Variants in SUGCT observed in about 807,000 individuals in gnomAD.
The protein encoded by SUGCT is succinyl-CoA:glutarate-CoA transferase, also known as succinyl-CoA:glutarate CoA-transferase.
In SUGCT, 41 loss-of-function variants were observed where a neutral mutation model predicts 55.0. That is an observed-to-expected ratio of 0.74 (90% confidence interval 0.58 to 0.97). The LOEUF is 0.97. Ranked by LOEUF, SUGCT falls within the 50% of genes least tolerant of loss-of-function variation. The pLI, the probability that SUGCT is intolerant of heterozygous loss-of-function variation, is 0.00. For synonymous variants in SUGCT, 187 were observed against 200.4 expected, an observed-to-expected ratio of 0.93 and a Z score of 0.56; for missense variants, 568 against 547.8, an observed-to-expected ratio of 1.04 and a Z score of -0.37.
chr7:40,855,216 G>GA (rs1794110046), intron 13 of SUGCT, among the ~76,000 whole-genome samples: 1 of 147,736 alleles, frequency 6.8e-6, no homozygotes, highest in South Asian at 2.1e-4. Flanking sequence ...CTTTTAATCT[G>GA]AAAAAATGCT....
intron 12 of SUGCT, among the ~76,000 whole-genome samples, chr7:40,581,722 A>G (rs928707359): frequency 2.6e-5 from 4 of 152,246 alleles, no homozygotes; most frequent in Admixed American, 2.0e-4. Context: ...AGGCTAGAAT[A>G]TTTAAATAAT....
rs542207957 is a variant in SUGCT at position 40,561,929 on chromosome 7, A to T, written c.1089+65543A>T. Among the ~76,000 whole-genome samples, 5 of 149,314 alleles carry T rather than the reference A, an allele frequency of 3.3e-5. No individual in the cohort carries two copies. The East Asian group carries it at 1.0e-3, about 31-fold the overall frequency. ...CTGGTCTTGAACTCCTGACCTCCTGATCCACTGGCCTCAGCCTCCCAAAGT... is the reference window on the plus strand; with the variant it reads ...CTGGTCTTGAACTCCTGACCTCCTGTTCCACTGGCCTCAGCCTCCCAAAGT... On this transcript the variant is annotated intron_variant, in intron 12 of 13. Transcript: ENST00000335693.
At chr7:40,991,708 C>A in the SUGCT span, among the ~76,000 whole-genome samples, 9 of 152,130 alleles carry the variant, frequency 5.9e-5, no homozygotes, top group African/African-American at 2.2e-4. Context: ...TCCAGGAATG[C>A]CCCCATATTG....
At chr7:40,427,328 G>T (rs546519849) in intron 9 of SUGCT, among the ~76,000 whole-genome samples, 1 of 152,186 alleles carries the variant, frequency 6.6e-6, no homozygotes, top group South Asian at 2.1e-4. Flanking sequence ...TATTATACAA[G>T]ACATAACTAA....
intron 12 of SUGCT, among the ~76,000 whole-genome samples, chr7:40,496,615 A>G (rs960268320): frequency 6.6e-6 from 1 of 152,184 alleles, no homozygotes; most frequent in Non-Finnish European, 1.5e-5. Context: ...ATCAGCCACT[A>G]CATGAAGTTT....
chr7:40,973,404 C>T, the SUGCT span, among the ~76,000 whole-genome samples: 1 of 152,172 alleles, frequency 6.6e-6, no homozygotes, highest in African/African-American at 2.4e-5. Context: ...TACTACCCTT[C>T]CCTGGGGACT....
intron 12 of SUGCT, among the ~76,000 whole-genome samples, chr7:40,519,369 A>G (rs1179298914): frequency 6.6e-6 from 1 of 152,090 alleles, no homozygotes; most frequent in Non-Finnish European, 1.5e-5. Flanking sequence ...AGTTTTGGCA[A>G]TTGTACCATG....
At chr7:41,021,349 A>G in the SUGCT span, among the ~76,000 whole-genome samples, 1 of 152,168 alleles carries the variant, frequency 6.6e-6, no homozygotes, top group Non-Finnish European at 1.5e-5. Context: ...CATTTTCCTT[A>G]TTATTTTTCC....
At chr7:40,873,284 G>A in the SUGCT span, among the ~76,000 whole-genome samples, 9 of 152,252 alleles carry the variant, frequency 5.9e-5, no homozygotes, top group South Asian at 1.9e-3. Context: ...AGAATTGAAT[G>A]GAAAAAAATA....
intron 12 of SUGCT, among the ~76,000 whole-genome samples, chr7:40,647,298 T>A (rs554398815): frequency 1.3e-5 from 2 of 152,332 alleles, no homozygotes; most frequent in Non-Finnish European, 2.9e-5. Context: ...ACTTTCAGAC[T>A]ACTATGCCTT....
the SUGCT span, among the ~76,000 whole-genome samples, chr7:40,884,542 C>T: frequency 6.6e-6 from 1 of 152,040 alleles, no homozygotes; most frequent in Non-Finnish European, 1.5e-5. Context: ...AATATTTGGC[C>T]CGCCTGTTCC....
chr7:40,765,603 A>G (rs1788746968), intron 13 of SUGCT, among the ~76,000 whole-genome samples: 1 of 152,194 alleles, frequency 6.6e-6, no homozygotes, highest in Non-Finnish European at 1.5e-5. Flanking sequence ...GCTATTTAGA[A>G]AAAGAGGTTT....
chr7:40,606,491 A>G (rs1798544257), intron 12 of SUGCT, among the ~76,000 whole-genome samples: 1 of 152,152 alleles, frequency 6.6e-6, no homozygotes, highest in South Asian at 2.1e-4. Flanking sequence ...CTTTGTGTGG[A>G]ATACAGGGGA....
chr7:40,229,105 A>G (rs1788561146), intron 6 of SUGCT, among the ~76,000 whole-genome samples: 1 of 152,194 alleles, frequency 6.6e-6, no homozygotes, highest in Non-Finnish European at 1.5e-5. Context: ...AAGGACTGTT[A>G]GTTCCTCTTA....
At chr7:40,708,560 A>G (rs1785540732) in intron 12 of SUGCT, among the ~76,000 whole-genome samples, 1 of 151,986 alleles carries the variant, frequency 6.6e-6, no homozygotes, top group Non-Finnish European at 1.5e-5. Flanking sequence ...TTCCGATCAC[A>G]TCATGTTCTT....
chr7:40,347,566 A>G lies in SUGCT; in HGVS notation c.816+30711A>G, dbSNP rs529747429. On this transcript the variant is annotated intron_variant, in intron 9 of 13. Transcript: ENST00000335693. ...AAGAAAAATTGTTAAGCACAAAGAT[A>G]CTAGAGTTAGAGATTTGAAAAATTC... is the stretch of plus-strand genomic sequence containing the variant. 2.0e-5 allele frequency among the ~76,000 whole-genome samples: 3 copies of G among 152,336 alleles called. No homozygotes were observed. The East Asian group carries it at 5.8e-4, about 29-fold the overall frequency.
chr7:40,225,011 G>A (rs137894278), intron 6 of SUGCT, among the ~76,000 whole-genome samples: 1 of 152,158 alleles, frequency 6.6e-6, no homozygotes, highest in Non-Finnish European at 1.5e-5. Flanking sequence ...AAGACCTTTC[G>A]GTATCACAGA....
chr7:40,262,575 G>A (rs890289482), intron 7 of SUGCT, among the ~76,000 whole-genome samples: 18 of 151,192 alleles, frequency 1.2e-4, no homozygotes, highest in Admixed American at 6.6e-4. Flanking sequence ...TGAGGCAGAA[G>A]AATGGTGTGA....
chr7:40,279,105 G>A (rs1251183825), intron 8 of SUGCT, among the ~76,000 whole-genome samples: 2 of 151,160 alleles, frequency 1.3e-5, no homozygotes, highest in Non-Finnish European at 2.9e-5. Flanking sequence ...CCAACATGTT[G>A]GTATTGCAGG....
Sources: allele counts gnomAD v4.1 joint callset (sites outside exome capture counted in the v4.1 genomes callset), GRCh38; gene constraint gnomAD v4.1.1; transcripts MANE v1.5; gene names NCBI Gene and HGNC (gene_info 2026-07-23, HGNC 2026-07-21).